GRB10: variants seen among roughly 807,000 people sequenced by gnomAD.
GRB10 encodes the protein growth factor receptor-bound protein 10.
Under a neutral mutation model 80.9 loss-of-function variants are expected in GRB10, and 20 were observed. The ratio of observed to expected loss-of-function variants is 0.25; its 90% CI spans 0.17 to 0.36. The LOEUF is 0.36. Among genes scored for constraint, GRB10 ranks in the 10% least tolerant of loss-of-function variants. The probability of loss-of-function intolerance (pLI) is 1.00; values close to 1 mark genes in which losing one functional copy is unlikely to be tolerated. For synonymous variants in GRB10, 291 were observed against 291.5 expected (o/e 1.00, Z 0.02); for missense variants, 548 against 747.7 (o/e 0.73, Z 3.12).
intron 8 of GRB10, among the ~76,000 whole-genome samples, chr7:50,619,779 C>T (rs1167988411): frequency 4.6e-5 from 7 of 152,102 alleles, no homozygotes; most frequent in African/African-American, 1.2e-4. Flanking sequence ...TGGGAGAGGC[C>T]GTGATGCACA....
chr7:50,653,452 G>C (rs190330535), intron 7 of GRB10, among the ~76,000 whole-genome samples: 53 of 152,378 alleles, frequency 3.5e-4, no homozygotes, highest in African/African-American at 1.3e-3. Flanking sequence ...ACAGCCAAGA[G>C]AGTGGGGGAC....
intron 15 of GRB10, chr7:50,604,849 AGTCTT>A: frequency 3.4e-6 from 1 of 290,338 alleles, no homozygotes; most frequent in Non-Finnish European, 6.6e-6. Flanking sequence ...GCCGAGTGAT[AGTCTT>A]CCCACCTGGA....
intron 6 of GRB10, among the ~76,000 whole-genome samples, chr7:50,672,238 T>G (rs897944428): frequency 6.6e-6 from 1 of 152,148 alleles, no homozygotes; most frequent in African/African-American, 2.4e-5. Flanking sequence ...CTCCGTGACC[T>G]CTGGTACCCA....
At chr7:50,614,325 G>A (rs2050139176) in intron 12 of GRB10, among the ~76,000 whole-genome samples, 1 of 152,176 alleles carries the variant, frequency 6.6e-6, no homozygotes, top group Non-Finnish European at 1.5e-5. Flanking sequence ...TGCATGCAGA[G>A]GGTGGGCAGC....
chr7:50,723,204 A>T (rs1163791414), intron 4 of GRB10, among the ~76,000 whole-genome samples: 1 of 152,162 alleles, frequency 6.6e-6, no homozygotes, highest in African/African-American at 2.4e-5. Flanking sequence ...TGAAGCAATG[A>T]TGTCCTTGGC....
intron 3 of GRB10, among the ~76,000 whole-genome samples, chr7:50,749,767 A>G (rs545196074): frequency 1.7e-3 from 266 of 152,354 alleles, no homozygotes; most frequent in African/African-American, 6.2e-3. Context: ...CATTAACAGT[A>G]TAAAGAGAGG....
chr7:50,710,414 T>C (rs530448385), intron 4 of GRB10, among the ~76,000 whole-genome samples: 10 of 152,292 alleles, frequency 6.6e-5, no homozygotes, highest in Admixed American at 2.6e-4. Flanking sequence ...CCACCAGTCA[T>C]TGGCGTTCCG....
At chr7:50,703,772 G>A in intron 5 of GRB10, 49 bp downstream of exon 5, 1 of 1,326,264 alleles carries the variant, frequency 7.5e-7, no homozygotes. Context: ...TCTGGGCACT[G>A]CTGCAAAGCT....
At chr7:50,710,401 C>T (rs952604146) in intron 4 of GRB10, among the ~76,000 whole-genome samples, 3 of 152,184 alleles carry the variant, frequency 2.0e-5, no homozygotes, top group East Asian at 3.9e-4. Context: ...GAAGCAGCCC[C>T]TACCACCAGT....
intron 7 of GRB10, among the ~76,000 whole-genome samples, chr7:50,647,693 G>A (rs1216350467): frequency 1.3e-5 from 2 of 152,226 alleles, no homozygotes; most frequent in African/African-American, 4.8e-5. Context: ...GGCCGACTGT[G>A]ATGCTCCCTC....
At chr7:50,705,886 G>T (rs757759948) in intron 4 of GRB10, among the ~76,000 whole-genome samples, 1 of 152,246 alleles carries the variant, frequency 6.6e-6, no homozygotes, top group African/African-American at 2.4e-5. Flanking sequence ...AAGAACCTCC[G>T]CAACAGGCGC....
intron 5 of GRB10, among the ~76,000 whole-genome samples, chr7:50,699,585 A>G (rs1258077373): frequency 6.6e-6 from 1 of 152,224 alleles, no homozygotes; most frequent in Admixed American, 6.5e-5. Context: ...CCACCCCTGC[A>G]CTATTATAAT....
chr7:50,606,798 G>T (rs2048624442), intron 13 of GRB10: 1 of 303,360 alleles, frequency 3.3e-6, no homozygotes, highest in African/African-American at 2.2e-5. Context: ...ACAATTATGG[G>T]ACTGTACTGC....
intron 8 of GRB10, among the ~76,000 whole-genome samples, chr7:50,624,795 C>T (rs941533317): frequency 6.6e-6 from 1 of 152,056 alleles, no homozygotes; most frequent in Non-Finnish European, 1.5e-5. Context: ...CAAATCCCGG[C>T]TGTGTGAGGT....
chr7:50,719,041 T>C lies in GRB10; in HGVS notation c.51+13231A>G, dbSNP rs547326934. Among the ~76,000 whole-genome samples the C allele has an allele frequency of 2.0e-5, 3 of 152,366 alleles. No homozygotes were observed. The South Asian group carries it at 6.2e-4, about 32-fold the overall frequency. On this transcript the variant is annotated intron_variant, in intron 4 of 18. Transcript: ENST00000401949. ...ACTCTATGCCCAGCACATGAGTGTT[T>C]AAAGCAACAATCCTGCCCTATGGAG...
intron 7 of GRB10, among the ~76,000 whole-genome samples, chr7:50,635,082 T>C (rs2054698672): frequency 8.1e-6 from 1 of 124,064 alleles, no homozygotes. Flanking sequence ...CTGCAGAATA[T>C]ACATTTTTCT....
chr7:50,748,417 C>A (rs879632039), intron 3 of GRB10, among the ~76,000 whole-genome samples: 2 of 152,060 alleles, frequency 1.3e-5, no homozygotes, highest in Non-Finnish European at 2.9e-5. Context: ...GAGCTGAGCT[C>A]GGGAAAGTGT....
intron 2 of GRB10, among the ~76,000 whole-genome samples, chr7:50,762,567 T>C (rs2075878725): frequency 6.6e-6 from 1 of 152,058 alleles, no homozygotes; most frequent in Non-Finnish European, 1.5e-5. Flanking sequence ...CAGAGGTGAA[T>C]GATGACACAT....
chr7:50,719,993 G>A (rs2153684068), intron 4 of GRB10, among the ~76,000 whole-genome samples: 2 of 152,212 alleles, frequency 1.3e-5, no homozygotes, highest in South Asian at 4.1e-4. Context: ...GAGCGGGGCT[G>A]AAATCCTTCA....
Sources: allele counts gnomAD v4.1 joint callset (sites outside exome capture counted in the v4.1 genomes callset), GRCh38; gene constraint gnomAD v4.1.1; transcripts MANE v1.5; gene names NCBI Gene and HGNC (gene_info 2026-07-23, HGNC 2026-07-21).